The following GIT1 variants were observed in gnomAD, a reference collection of about 807,000 sequenced individuals.
GIT1 encodes ARF GTPase-activating protein GIT1.
A neutral mutation model predicts 91.7 loss-of-function variants in GIT1; 14 were observed. The observed-to-expected ratio is 0.15, with a 90% CI of 0.10 to 0.24. The LOEUF (loss-of-function observed/expected upper bound fraction) is 0.24. Ranked by LOEUF, GIT1 falls within the 10% of genes least tolerant of loss-of-function variation. The pLI is 1.00. For synonymous variants in GIT1, 414 were observed against 418.2 expected, an observed-to-expected ratio of 0.99 and a Z score of 0.12; for missense variants, 717 against 1,024.9, an observed-to-expected ratio of 0.70 and a Z score of 4.10.
chr17:29,579,357 G>A (rs900549886), intron 7 of GIT1: 1 of 301,354 alleles, frequency 3.3e-6, no homozygotes, highest in South Asian at 4.9e-5. Context: ...CAGCAGCCAG[G>A]GTGATTTTTT....
chr17:29,579,724 T>TA lies in GIT1; in HGVS notation c.762-946dup, dbSNP rs150798041. Among the ~76,000 whole-genome samples the TA allele has an allele frequency of 3.1e-3, 438 of 142,170 alleles. 5 individuals carry two copies. Among genetic ancestry groups the TA allele is most frequent in the Middle Eastern group, 3.5e-3 (1 of 284 alleles). The allele number at this position is 142,170 out of a possible 152,430, so 93.3% of individuals were successfully genotyped here. A position where few individuals can be genotyped will look rare whatever the true frequency, so the allele number is the denominator to read the frequency against. Reference sequence around the variant, plus strand: ...GGCAACAGAGCGAGACCCCAACTCTTAAAAAAAAAAAAAGGCTAAACATTT... The same window carrying TA: ...GGCAACAGAGCGAGACCCCAACTCTTAAAAAAAAAAAAAAGGCTAAACATTT... On this transcript the variant is annotated intron_variant, in intron 7 of 19. Coordinates refer to ENST00000225394, the MANE Select transcript of GIT1 (RefSeq NM_014030.4).
In GIT1 at chr17:29,581,893, C is replaced by T. The variant is rs1255594214; in HGVS notation, c.623+34G>A. 6 of 1,603,818 alleles carry T rather than the reference C, an allele frequency of 3.7e-6. No individual in the cohort carries two copies. In the African/African-American group the frequency reaches 6.7e-5, roughly 18 times the overall value. On this transcript the variant is annotated intron_variant, in intron 5 of 19. Transcript: ENST00000225394. The surrounding 1 kb of genome is among the most constrained non-coding windows in gnomAD (Gnocchi z 4.8). Reference sequence around the variant, plus strand: ...GCAGCAGCCCTCACCCACACCCCCACCCACCCACACTGCACCCTTCAGCCG... The same window carrying T: ...GCAGCAGCCCTCACCCACACCCCCATCCACCCACACTGCACCCTTCAGCCG...
intron 1 of GIT1, among the ~76,000 whole-genome samples, chr17:29,588,526 G>C (rs1451383114): frequency 6.6e-6 from 1 of 152,210 alleles, no homozygotes; most frequent in South Asian, 2.1e-4. Context: ...GGGGAATCTC[G>C]GCACGGCCTC....
chr17:29,583,641 GC>G, intron 1 of GIT1, 25 bp from the exon 2 acceptor site: 1 of 1,555,342 alleles, frequency 6.4e-7, no homozygotes, highest in Non-Finnish European at 8.7e-7. Flanking sequence ...GCAAGGGTCA[GC>G]CGGAGCCAGA....
Position 29,576,584 on chromosome 17 carries a change from C to A in GIT1, c.1318G>T (p.Val440Leu), listed in dbSNP as rs1296741501. Reference sequence around the variant, plus strand: ...CTGTTGACCTTCATGAGCTGCTGCACCTTTGCCTCCGATGTAGCCAGGGCC... The same window carrying A: ...CTGTTGACCTTCATGAGCTGCTGCAACTTTGCCTCCGATGTAGCCAGGGCC... ...KKALATSEAK[V>L]QQLMKVNSSL... The change falls in exon 13 of 20, where the codon GTG (valine) becomes TTG (leucine). Residue 440 changes from valine (V) to leucine (L), a missense_variant. Coordinates refer to ENST00000225394, the MANE Select transcript of GIT1 (RefSeq NM_014030.4). 1.2e-6 allele frequency: 2 copies of A among 1,614,094 alleles called. No individual in the cohort carries two copies. Among genetic ancestry groups the A allele is most frequent in the Admixed American group, 1.7e-5 (1 of 60,024 alleles).
chr17:29,578,941 G>GC, intron 7 of GIT1, 162 bp from the exon 8 acceptor site: 2 of 1,612,768 alleles, frequency 1.2e-6, no homozygotes, highest in South Asian at 1.1e-5. Context: ...CAGGCCTGCT[G>GC]CCCCGGCAGG....
chr17:29,575,456 C>T lies in GIT1; in HGVS notation c.1841G>A (p.Arg614Lys), dbSNP rs779151496. ...TTCCTCTTTGCCCAGCTCTAGAAAC[C>T]TCTTCCCTTCCAGCCTGAGGCCCAG... ...GDPLLGLEGK[R>K]FLELGKEEDF... is the part of the protein sequence containing the mutation. Residue 614 changes from arginine to lysine, a missense_variant, in exon 18 of 20, where the codon AGG (arginine) becomes AAG (lysine). Arg to Lys is a conservative substitution (Grantham distance 26). Coordinates refer to ENST00000225394, the MANE Select transcript of GIT1 (RefSeq NM_014030.4). This position sits in a 1 kb window ranked among gnomAD's most constrained non-coding sequence, Gnocchi z 5.5. 9.3e-6 allele frequency: 15 copies of T among 1,607,084 alleles called. No homozygotes were observed. The highest frequency in any genetic ancestry group is 2.2e-5 in the East Asian group (1 of 44,782).
Position 29,581,227 on chromosome 17 carries a change from G to A in GIT1, c.761+111C>T. 1 of 791,518 alleles carries A rather than the reference G, an allele frequency of 1.3e-6. No individual in the cohort carries two copies. The highest frequency in any genetic ancestry group is 1.4e-5 in the South Asian group (1 of 71,806). 49.0% of individuals were successfully genotyped at this position (791,518 alleles called of 1,614,324 possible). On this transcript the variant is annotated intron_variant, in intron 7 of 19. Transcript: ENST00000225394. The surrounding 1 kb of genome is among the most constrained non-coding windows in gnomAD (Gnocchi z 4.8). The stretch of plus-strand genomic sequence containing the variant: ...ACTAAGCTGTGCCTCTAGTCTCTGG[G>A]GGGAGGGAGCAGGGTCCTAGGCCTC...
At chr17:29,578,689 G>A (rs768245226) in intron 8 of GIT1, 42 bp downstream of exon 8, 2 of 1,556,872 alleles carry the variant, frequency 1.3e-6, no homozygotes, top group African/African-American at 1.4e-5. Context: ...GATCAGAGAG[G>A]GGCCAGCTTC....
chr17:29,589,499 C>G lies in GIT1; in HGVS notation c.-121G>C, dbSNP rs1402832603. ...CTCCGGCGAGGCCCCGGCGAGGCTC[C>G]GCGCGCCCGGCCAACCGTCCGCCCC... On this transcript the variant is annotated 5_prime_UTR_variant, in exon 1 of 20. Coordinates refer to ENST00000225394, the MANE Select transcript of GIT1 (RefSeq NM_014030.4). This position sits in a 1 kb window ranked among gnomAD's most constrained non-coding sequence, Gnocchi z 5.2. The G allele has an allele frequency of 3.8e-6, 1 of 262,286 alleles. No individual in the cohort carries two copies. The highest frequency in any genetic ancestry group is 5.8e-6 in the Non-Finnish European group (1 of 171,732). The allele number at this position is 262,286 out of a possible 1,614,324, so 16.2% of individuals were successfully genotyped here. A position where few individuals can be genotyped will look rare whatever the true frequency, so the allele number is the denominator to read the frequency against.
Position 29,575,661 on chromosome 17 carries a change from C to T in GIT1, c.1795G>A (p.Glu599Lys), listed in dbSNP as rs998211945. The T allele has an allele frequency of 6.2e-7, 1 of 1,612,650 alleles. No individual in the cohort carries two copies. The highest frequency in any genetic ancestry group is 1.3e-5 in the African/African-American group (1 of 75,054). Reference sequence around the variant, plus strand: ...AGTGGGTCCCCACTTTGCGTGTTCTCATAGTCACTGTCGGCTCCACTGCCG... The same window carrying T: ...AGTGGGTCCCCACTTTGCGTGTTCTTATAGTCACTGTCGGCTCCACTGCCG... ...RHGSGADSDY[E>K]NTQSGDPLLG... Residue 599 changes from glutamate (E) to lysine (K), a missense_variant, in exon 17 of 20, where the codon GAG becomes AAG. This residue lies in a region of GIT1 where 134 missense variants were observed against 223.8 expected (regional missense o/e 0.60). Coordinates refer to ENST00000225394, the MANE Select transcript of GIT1 (RefSeq NM_014030.4). This position sits in a 1 kb window ranked among gnomAD's most constrained non-coding sequence, Gnocchi z 5.5.
At chr17:29,579,136 C>T (rs979458825) in intron 7 of GIT1, 8 of 688,490 alleles carry the variant, frequency 1.2e-5, no homozygotes, top group East Asian at 2.6e-5. Flanking sequence ...TTCATCTCAC[C>T]GCGTCCCCCA....
At chr17:29,582,628 G>T in intron 4 of GIT1, 70 bp downstream of exon 4, 1 of 1,058,888 alleles carries the variant, frequency 9.4e-7, no homozygotes, top group Non-Finnish European at 1.5e-6. Flanking sequence ...GGACAAAGGA[G>T]AGGCCTTCAG....
chr17:29,582,898 G>A, intron 3 of GIT1, 27 bp downstream of exon 3: 1 of 1,567,374 alleles, frequency 6.4e-7, no homozygotes, highest in Non-Finnish European at 8.8e-7. Flanking sequence ...CGCAGTCTCT[G>A]CCCACCACCC....
intron 1 of GIT1, among the ~76,000 whole-genome samples, chr17:29,588,014 G>C (rs770376881): frequency 1.3e-5 from 2 of 152,144 alleles, no homozygotes; most frequent in Non-Finnish European, 2.9e-5. Flanking sequence ...AAGCCCCTAG[G>C]AGGCCTTGGT....
intron 1 of GIT1, among the ~76,000 whole-genome samples, chr17:29,585,300 TG>T (rs1271002415): frequency 2.0e-5 from 3 of 152,094 alleles, no homozygotes; most frequent in Admixed American, 6.6e-5. Flanking sequence ...AAGCCGGAAA[TG>T]ATGCAGCCCA....
chr17:29,580,419 A>T (rs1598572009), intron 7 of GIT1, among the ~76,000 whole-genome samples: 1 of 151,908 alleles, frequency 6.6e-6, no homozygotes, highest in South Asian at 2.1e-4. Context: ...GGAGGAGAGC[A>T]CCTCCTCTCT....
Position 29,577,166 on chromosome 17 carries a change from G to A in GIT1, c.1063C>T (p.Gln355Ter). Residue 355 changes from glutamine (Q) to a stop codon, truncating the protein, a stop_gained, in exon 11 of 20, where the codon CAG becomes TAG. Transcript: ENST00000225394. LOFTEE classifies it high-confidence loss of function. ...IDILSEAKRR[Q>*]QGKSLSSPTD... is the part of the protein sequence containing the mutation. ...GGGCTGCTCAGGCTCTTGCCCTGCTGTCTCCGCTTGGCCTCACTGAGAATG... is the reference window on the plus strand; with the variant it reads ...GGGCTGCTCAGGCTCTTGCCCTGCTATCTCCGCTTGGCCTCACTGAGAATG... 1 of 1,613,916 alleles carries A rather than the reference G, an allele frequency of 6.2e-7. No homozygotes were observed. The highest frequency in any genetic ancestry group is 8.5e-7 in the Non-Finnish European group (1 of 1,179,966).
chr17:29,581,406 C>A lies in GIT1; in HGVS notation c.719-26G>T, dbSNP rs2033390964. ...CTGAACAAAAATAAAAATGCCAAGT[C>A]ACTCACTAGTGCTGGGTGGCCTCAG... On this transcript the variant is annotated intron_variant, in intron 6 of 19. Transcript: ENST00000225394. This position sits in a 1 kb window ranked among gnomAD's most constrained non-coding sequence, Gnocchi z 4.8. The A allele has an allele frequency of 1.3e-6, 2 of 1,594,146 alleles. No individual in the cohort carries two copies. The highest frequency in any genetic ancestry group is 2.2e-5 in the South Asian group (2 of 90,712).
Sources: allele counts gnomAD v4.1 joint callset (sites outside exome capture counted in the v4.1 genomes callset), GRCh38; gene constraint gnomAD v4.1.1; regional missense constraint gnomAD v4.1.1; non-coding constraint Gnocchi (gnomAD v3.1); transcripts MANE v1.5; gene names NCBI Gene and HGNC (gene_info 2026-07-23, HGNC 2026-07-21).